The following SCFD1 variants were observed in gnomAD, a reference collection of about 807,000 sequenced individuals.
SCFD1 encodes the protein sec1 family domain containing 1.
SCFD1 carries 37 observed loss-of-function variants against 103.2 expected under a neutral mutation model. That is an observed-to-expected ratio of 0.36 (90% CI 0.28 to 0.47). The LOEUF is 0.47. Ranked by LOEUF, SCFD1 falls within the 20% of genes least tolerant of loss-of-function variation. SCFD1 has a pLI of 1.00. For synonymous variants in SCFD1, 264 were observed against 245.0 expected, an observed-to-expected ratio of 1.08 and a Z score of -0.73; for missense variants, 639 against 761.2, an observed-to-expected ratio of 0.84 and a Z score of 1.89.
chr14:30,715,228 A>AAGTT (rs1402542484), intron 19 of SCFD1: 1 of 152,192 alleles, frequency 6.6e-6, no homozygotes, highest in Admixed American at 6.5e-5. Context: ...CGAACTTTAA[A>AAGTT]AGTTACTTTA....
chr14:30,652,580 C>G (rs1233906470), intron 9 of SCFD1, among the ~76,000 whole-genome samples: 1 of 152,104 alleles, frequency 6.6e-6, no homozygotes, highest in Non-Finnish European at 1.5e-5. Context: ...TCTTTGTTTT[C>G]CCTGAAGCTG....
chr14:30,723,903 G>T (rs1022862196), intron 23 of SCFD1, among the ~76,000 whole-genome samples: 1 of 151,830 alleles, frequency 6.6e-6, no homozygotes, highest in East Asian at 1.9e-4. Context: ...ATATTATTTG[G>T]GGTATATACC....
chr14:30,675,903 T>G (rs1484634999), intron 14 of SCFD1, among the ~76,000 whole-genome samples: 1 of 152,228 alleles, frequency 6.6e-6, no homozygotes, highest in Non-Finnish European at 1.5e-5. Context: ...AGCATGCAGT[T>G]TAAACCTGCA....
chr14:30,694,207 T>C (rs8012325), intron 14 of SCFD1, among the ~76,000 whole-genome samples: 12,137 of 152,126 alleles, frequency 0.08, 788 homozygotes, highest in African/African-American at 0.17. Context: ...ATGATTTGTA[T>C]GCCAGTAACT....
At chr14:30,659,229 G>T (rs1205438222) in intron 10 of SCFD1, among the ~76,000 whole-genome samples, 1 of 142,274 alleles carries the variant, frequency 7.0e-6, no homozygotes, top group Admixed American at 7.0e-5. Flanking sequence ...TCTATATGAT[G>T]GAACATTTTA....
intron 23 of SCFD1, among the ~76,000 whole-genome samples, chr14:30,733,857 C>A (rs188973055): frequency 3.3e-5 from 5 of 152,316 alleles, no homozygotes; most frequent in Admixed American, 2.6e-4. Flanking sequence ...GAATCAGGTT[C>A]TCCTGGGAGC....
chr14:30,639,242 C>T (rs1038066489), intron 5 of SCFD1, among the ~76,000 whole-genome samples: 5 of 152,142 alleles, frequency 3.3e-5, no homozygotes, highest in Admixed American at 3.3e-4. Context: ...CCACCTCAGC[C>T]TCCCAAAGCT....
chr14:30,726,412 C>G (rs1893045994), intron 23 of SCFD1, among the ~76,000 whole-genome samples: 1 of 152,144 alleles, frequency 6.6e-6, no homozygotes, highest in Non-Finnish European at 1.5e-5. Flanking sequence ...TTTGCTCATT[C>G]ATTTGGTCAT....
At chr14:30,670,974 T>C (rs1370961738) in intron 11 of SCFD1, among the ~76,000 whole-genome samples, 4 of 152,128 alleles carry the variant, frequency 2.6e-5, no homozygotes, top group Non-Finnish European at 5.9e-5. Context: ...AAAAGTTATC[T>C]AGTGATCATT....
In SCFD1 at chr14:30,642,108, G is replaced by A. The variant is rs979252585; in HGVS notation, c.524-1208G>A. 3.0e-4 allele frequency among the ~76,000 whole-genome samples: 45 copies of A among 152,244 alleles called. 1 individual carries two copies. The highest frequency in any genetic ancestry group is 1.1e-3 in the African/African-American group (45 of 41,542). On this transcript the variant is annotated intron_variant, in intron 6 of 24. Transcript: ENST00000458591. ...ATAGGTTGTTCCCCCGCCACCCCGAGACAGAGTCTCTCTCTGTCGCCCAGG... is the reference window on the plus strand; with the variant it reads ...ATAGGTTGTTCCCCCGCCACCCCGAAACAGAGTCTCTCTCTGTCGCCCAGG...
chr14:30,625,616 CCTATA>C (rs1883325254), intron 1 of SCFD1, among the ~76,000 whole-genome samples: 4 of 67,096 alleles, frequency 6.0e-5, no homozygotes, highest in African/African-American at 1.0e-4. Flanking sequence ...TATAGGTATA[CCTATA>C]TAGGTATAGG....
rs977031292 is a variant in SCFD1 at position 30,669,006 on chromosome 14, A to C, written c.856-1250A>C. ...AAGACAGTGTGGTGATTCCTTAAGG[A>C]TCTAGAACTAGAAATACCATTTGAC... On this transcript the variant is annotated intron_variant, in intron 10 of 24. Transcript: ENST00000458591. Among the ~76,000 whole-genome samples the C allele has an allele frequency of 6.6e-5, 10 of 152,294 alleles. No homozygotes were observed. The East Asian group carries it at 9.6e-4, about 15-fold the overall frequency.
chr14:30,714,714 T>C (rs1892152694), intron 19 of SCFD1, among the ~76,000 whole-genome samples: 1 of 152,224 alleles, frequency 6.6e-6, no homozygotes, highest in African/African-American at 2.4e-5. Flanking sequence ...TAGATTTTTA[T>C]CTGATCTATA....
In SCFD1 at chr14:30,681,362, G is replaced by A. The variant is rs574063633; in HGVS notation, c.1242+6297G>A. On this transcript the variant is annotated intron_variant, in intron 14 of 24. Coordinates refer to ENST00000458591, the MANE Select transcript of SCFD1 (RefSeq NM_016106.4). ...GTTTTCAGTATTTCGTGATAATAAG[G>A]TCACTTCTGTTTATATTTTTTATAC... 2.0e-5 allele frequency among the ~76,000 whole-genome samples: 3 copies of A among 152,002 alleles called. No individual in the cohort carries two copies. In the East Asian group the frequency reaches 5.8e-4, roughly 29 times the overall value.
At chr14:30,624,335 C>T (rs1160152921) in intron 1 of SCFD1, among the ~76,000 whole-genome samples, 3 of 152,146 alleles carry the variant, frequency 2.0e-5, no homozygotes, top group African/African-American at 4.8e-5. Flanking sequence ...TCTCATCTAG[C>T]GCCTTAGCTT....
chr14:30,700,313 T>C lies in SCFD1; in HGVS notation c.1410+55T>C, dbSNP rs887818790. 60 of 1,070,408 alleles carry C rather than the reference T, an allele frequency of 5.6e-5. No individual in the cohort carries two copies. In the South Asian group the frequency reaches 6.2e-4, roughly 11 times the overall value. 66.3% of individuals were successfully genotyped at this position (1,070,408 alleles called of 1,614,324 possible). A position where few individuals can be genotyped will look rare whatever the true frequency, so the allele number is the denominator to read the frequency against. On this transcript the variant is annotated intron_variant, in intron 16 of 24. Coordinates refer to ENST00000458591, the MANE Select transcript of SCFD1 (RefSeq NM_016106.4). Reference sequence around the variant, plus strand: ...AGGGGAATGCTTGTTTGTAGACTACTACAATTCAGATTTTAAAACAGAAGT... The same window carrying C: ...AGGGGAATGCTTGTTTGTAGACTACCACAATTCAGATTTTAAAACAGAAGT...
chr14:30,643,149 G>T (rs542692216), intron 6 of SCFD1, among the ~76,000 whole-genome samples, 167 bp from the exon 7 acceptor site: 2 of 151,994 alleles, frequency 1.3e-5, no homozygotes, highest in Non-Finnish European at 2.9e-5. Context: ...CTCCCTCCTG[G>T]GTGACAGAGC....
chr14:30,727,327 G>T (rs568284189), intron 23 of SCFD1, among the ~76,000 whole-genome samples: 1 of 152,186 alleles, frequency 6.6e-6, no homozygotes, highest in Admixed American at 6.5e-5. Flanking sequence ...CAACAAAATC[G>T]TTTGTGTGCA....
intron 10 of SCFD1, among the ~76,000 whole-genome samples, chr14:30,658,592 C>A (rs779686807): frequency 2.6e-5 from 4 of 151,996 alleles, no homozygotes; most frequent in Non-Finnish European, 4.4e-5. Context: ...GGGGTTTCGC[C>A]ATGTTAGCCA....
Sources: allele counts gnomAD v4.1 joint callset (sites outside exome capture counted in the v4.1 genomes callset), GRCh38; gene constraint gnomAD v4.1.1; transcripts MANE v1.5; gene names NCBI Gene and HGNC (gene_info 2026-07-23, HGNC 2026-07-21).